CSE1L: variants seen among roughly 807,000 people sequenced by gnomAD.
CSE1L encodes the protein chromosome segregation 1 like.
A neutral mutation model predicts 120.4 loss-of-function variants in CSE1L; 24 were observed. That is an observed-to-expected ratio of 0.20 (90% CI 0.14 to 0.28). The LOEUF is 0.28. Ranked by LOEUF, CSE1L falls within the 10% of genes least tolerant of loss-of-function variation. The pLI is 1.00. For missense variants in CSE1L, 830 were observed against 1,145.2 expected (o/e 0.72, Z 3.97); for synonymous variants, 402 against 398.3 (o/e 1.01, Z -0.11).
chr20:49,096,325 G>A (rs1460765213), intron 24 of CSE1L, 24 bp from the exon 25 acceptor site: 1 of 1,584,310 alleles, frequency 6.3e-7, no homozygotes, highest in South Asian at 1.1e-5. Context: ...CCAACAGCCA[G>A]TGTGTGTTTC....
intron 1 of CSE1L, among the ~76,000 whole-genome samples, chr20:49,047,671 G>A (rs1475858337): frequency 2.2e-5 from 3 of 138,962 alleles, no homozygotes; most frequent in Admixed American, 7.8e-5. Flanking sequence ...CCGCCTCCCG[G>A]ATTCAAGCGA....
chr20:49,067,304 T>C, intron 6 of CSE1L, 24 bp downstream of exon 6: 1 of 1,444,582 alleles, frequency 6.9e-7, no homozygotes, highest in African/African-American at 1.4e-5. Flanking sequence ...CTTGGTGATA[T>C]TTTTAAATTA....
intron 23 of CSE1L, among the ~76,000 whole-genome samples, chr20:49,094,512 G>A (rs1385059805): frequency 6.6e-6 from 1 of 152,092 alleles, no homozygotes; most frequent in African/African-American, 2.4e-5. Flanking sequence ...GTCTGATCTA[G>A]GTGATCTCTA....
chr20:49,086,930 C>G (rs542221923), intron 16 of CSE1L, among the ~76,000 whole-genome samples: 2 of 152,230 alleles, frequency 1.3e-5, no homozygotes, highest in South Asian at 4.1e-4. Context: ...AGGTAGCAAT[C>G]TGTTGAAGGG....
rs908192815 is a variant in CSE1L, at chr20:49,070,100, G to A, written c.676-105G>A. The A allele has an allele frequency of 1.9e-5, 11 of 584,062 alleles. No individual in the cohort carries two copies. In the African/African-American group the frequency reaches 2.1e-4, roughly 11 times the overall value. 36.2% of individuals were successfully genotyped at this position (584,062 alleles called of 1,614,324 possible). A position where few individuals can be genotyped will look rare whatever the true frequency, so the allele number is the denominator to read the frequency against. On this transcript the variant is annotated intron_variant, in intron 7 of 24. Transcript: ENST00000262982. ...TGTCAGAATAGGTAATGCTCAGGCT[G>A]TGAAGCCTGTGTATAAAATGTTTTG...
At chr20:49,070,919 GA>G (rs2091927007) in intron 8 of CSE1L, among the ~76,000 whole-genome samples, 1 of 152,228 alleles carries the variant, frequency 6.6e-6, no homozygotes, top group Admixed American at 6.5e-5. Context: ...TCCAGCCTGG[GA>G]GACAGAGGGA....
intron 19 of CSE1L, 151 bp downstream of exon 19, chr20:49,089,897 C>T (rs2092087809): frequency 1.4e-6 from 1 of 700,026 alleles, no homozygotes. Flanking sequence ...GTGGGAGGAT[C>T]CCTTGAGCCG....
At chr20:49,056,733 T>A (rs182443488) in intron 1 of CSE1L, among the ~76,000 whole-genome samples, 8 of 152,080 alleles carry the variant, frequency 5.3e-5, no homozygotes, top group Non-Finnish European at 1.2e-4. Context: ...TTCAGACTCC[T>A]TTTTTTCCCA....
chr20:49,072,702 T>C lies in CSE1L; in HGVS notation c.1066+5T>C, dbSNP rs760008363. On this transcript the variant is annotated splice_donor_5th_base_variant and intron_variant, in intron 10 of 24. Coordinates refer to ENST00000262982, the MANE Select transcript of CSE1L (RefSeq NM_001316.4). The stretch of plus-strand genomic sequence containing the variant: ...TGCCTAACATGGAATTTAGAGGTAA[T>C]TATGGCAAAAGTATATTAGTATAAA... The C allele has an allele frequency of 2.5e-6, 4 of 1,603,966 alleles. No individual in the cohort carries two copies. Among genetic ancestry groups the C allele is most frequent in the Non-Finnish European group, 2.5e-6 (3 of 1,177,064 alleles).
At chr20:49,077,152 T>TG in intron 13 of CSE1L, 88 bp downstream of exon 13, 1 of 656,006 alleles carries the variant, frequency 1.5e-6, no homozygotes, top group East Asian at 3.1e-5. Context: ...TCCCTTTTGT[T>TG]CTTTTTTTTT....
intron 1 of CSE1L, among the ~76,000 whole-genome samples, chr20:49,052,728 A>G (rs2091776962): frequency 6.6e-6 from 1 of 152,138 alleles, no homozygotes; most frequent in South Asian, 2.1e-4. Context: ...TGCTGGATCT[A>G]CAGGTGTGTG....
At chr20:49,095,738 A>T (rs1043760831) in intron 24 of CSE1L, among the ~76,000 whole-genome samples, 2 of 152,022 alleles carry the variant, frequency 1.3e-5, no homozygotes, top group Non-Finnish European at 2.9e-5. Flanking sequence ...TAAAATATAT[A>T]TTTTTCAAGC....
chr20:49,095,022 G>A (rs2092128937), intron 24 of CSE1L, 59 bp downstream of exon 24: 3 of 1,280,610 alleles, frequency 2.3e-6, no homozygotes, highest in South Asian at 1.2e-5. Context: ...AGGGCAAAAG[G>A]ATAGTAGTAG....
chr20:49,072,223 ACTC>A lies in CSE1L; in HGVS notation c.769-59_769-57del, dbSNP rs1283649331. The A allele has an allele frequency of 2.3e-5, 36 of 1,539,408 alleles. No homozygotes were observed. In the East Asian group the frequency reaches 4.7e-4, roughly 20 times the overall value. On this transcript the variant is annotated intron_variant, in intron 8 of 24. Coordinates refer to ENST00000262982, the MANE Select transcript of CSE1L (RefSeq NM_001316.4). ...AGAGTCTAGTTCAGGAATTTCAGTT[ACTC>A]CTCTTACTTATGTTAGCATTAGAGT...
Position 49,084,137 on chromosome 20 carries a change from A to C in CSE1L, c.1594A>C (p.Met532Leu). The C allele has an allele frequency of 6.2e-7, 1 of 1,613,996 alleles. No homozygotes were observed. Among genetic ancestry groups the C allele is most frequent in the Non-Finnish European group, 8.5e-7 (1 of 1,179,916 alleles). Reference protein sequence around the residue: ...AAHALERLFTMRGPNNATLFT... With the variant: ...AAHALERLFTLRGPNNATLFT... The stretch of plus-strand genomic sequence containing the variant: ...TCATGCTCTTGAACGGCTCTTTACT[A>C]TGCGAGGGCCTAACAATGCCACTCT... The change falls in exon 15 of 25, where the codon ATG (methionine) becomes CTG (leucine). Residue 532 changes from methionine to leucine, a missense_variant. By Grantham distance (15) the Met-to-Leu change is conservative (BLOSUM62 2). Transcript: ENST00000262982.
intron 6 of CSE1L, among the ~76,000 whole-genome samples, chr20:49,068,213 C>G (rs2091908146): frequency 6.6e-6 from 1 of 152,146 alleles, no homozygotes; most frequent in South Asian, 2.1e-4. Flanking sequence ...AATATTAACA[C>G]TGGACTTTTT....
At chr20:49,076,783 G>A (rs564283038) in intron 12 of CSE1L, among the ~76,000 whole-genome samples, 197 bp from the exon 13 acceptor site, 6 of 151,854 alleles carry the variant, frequency 4.0e-5, no homozygotes, top group South Asian at 4.2e-4. Context: ...TACCCGCCTC[G>A]GCCTCCCAAA....
chr20:49,075,324 A>T lies in CSE1L; in HGVS notation c.1139A>T (p.Asp380Val). The T allele has an allele frequency of 6.2e-7, 1 of 1,612,780 alleles. No homozygotes were observed. Reference sequence around the variant, plus strand: ...TTTTCTTTTCATTTCATAGATATTGATACTAGACGCAGGGCTGCTTGTGAT... The same window carrying T: ...TTTTCTTTTCATTTCATAGATATTGTTACTAGACGCAGGGCTGCTTGTGAT... ...IRRDLEGSDI[D>V]TRRRAACDLV... The change falls in exon 12 of 25, where the codon GAT becomes GTT. Residue 380 changes from aspartate (D) to valine (V), a missense_variant. By Grantham distance (152) the Asp-to-Val change is radical. This residue lies in a region of CSE1L where 543 missense variants were observed against 640.2 expected (regional missense o/e 0.85). Transcript: ENST00000262982.
intron 5 of CSE1L, 130 bp from the exon 6 acceptor site, chr20:49,067,060 T>C (rs1168167018): frequency 1.1e-5 from 3 of 281,838 alleles, no homozygotes; most frequent in Non-Finnish European, 2.0e-5. Flanking sequence ...AAAAAAAGAA[T>C]TCCCTTTGAA....
Sources: allele counts gnomAD v4.1 joint callset (sites outside exome capture counted in the v4.1 genomes callset), GRCh38; gene constraint gnomAD v4.1.1; regional missense constraint gnomAD v4.1.1; transcripts MANE v1.5; gene names NCBI Gene and HGNC (gene_info 2026-07-23, HGNC 2026-07-21).